The following CASZ1 variants were observed in gnomAD, a reference collection of about 807,000 sequenced individuals.
The protein encoded by CASZ1 is castor zinc finger 1.
Under a neutral mutation model 135.2 loss-of-function variants are expected in CASZ1, and 28 were observed. That is an observed-to-expected ratio of 0.21 (90% CI 0.15 to 0.28). The LOEUF (loss-of-function observed/expected upper bound fraction) is 0.28. Ranked by LOEUF, CASZ1 falls within the 10% of genes least tolerant of loss-of-function variation. The probability of loss-of-function intolerance (pLI) is 1.00; values close to 1 mark genes in which losing one functional copy is unlikely to be tolerated. For synonymous variants in CASZ1, 1,068 were observed against 1,073.4 expected (o/e 0.99, Z 0.10); for missense variants, 2,161 against 2,453.3 (o/e 0.88, Z 2.52).
chr1:10,766,089 A>T (rs186083037), intron 1 of CASZ1, among the ~76,000 whole-genome samples: 2 of 152,260 alleles, frequency 1.3e-5, no homozygotes, highest in East Asian at 3.9e-4. Context: ...GACATGCTCC[A>T]CCCAGAACAG....
At chr1:10,714,098 C>T (rs1639334017) in intron 2 of CASZ1, among the ~76,000 whole-genome samples, 3 of 152,044 alleles carry the variant, frequency 2.0e-5, no homozygotes, top group Admixed American at 1.3e-4. Context: ...CCTGAGGTCA[C>T]GAGTTCGAGA....
chr1:10,638,376 G>A lies in CASZ1; in HGVS notation c.*566C>T, dbSNP rs754383243. On this transcript the variant is annotated 3_prime_UTR_variant, in exon 21 of 21. Transcript: ENST00000377022. The surrounding 1 kb of genome is among the most constrained non-coding windows in gnomAD (Gnocchi z 5.9). ...GCCTGGGGGAGCAGCCGGGCCCTGG[G>A]GTGGGGCTGAGCTGGAGCTCCGCGG... The A allele has an allele frequency of 2.6e-5, 4 of 152,198 alleles. No individual in the cohort carries two copies. The highest frequency in any genetic ancestry group is 4.4e-5 in the Non-Finnish European group (3 of 68,084). 9.4% of individuals were successfully genotyped at this position (152,198 alleles called of 1,614,324 possible). A position where few individuals can be genotyped will look rare whatever the true frequency, so the allele number is the denominator to read the frequency against.
At chr1:10,673,047 C>T (rs1297167293) in intron 4 of CASZ1, among the ~76,000 whole-genome samples, 1 of 149,250 alleles carries the variant, frequency 6.7e-6, no homozygotes, top group Admixed American at 6.7e-5. Context: ...GGTGCAGTGG[C>T]GAGTGGAGAA....
chr1:10,637,848 C>G lies in CASZ1; in HGVS notation c.*1094G>C, dbSNP rs1642043003. 6.6e-6 allele frequency: 1 copy of G among 151,106 alleles called. No homozygotes were observed. Among genetic ancestry groups the G allele is most frequent in the African/African-American group, 2.4e-5 (1 of 41,104 alleles). 9.4% of individuals were successfully genotyped at this position (151,106 alleles called of 1,614,324 possible). The stretch of plus-strand genomic sequence containing the variant: ...AAAAAAAAAAAGCCCTATAAAGCCA[C>G]ACGCATCACCAAGAGAGAACTCAAA... On this transcript the variant is annotated 3_prime_UTR_variant, in exon 21 of 21. Transcript: ENST00000377022.
At chr1:10,641,678 C>T (rs571188725) in intron 20 of CASZ1, among the ~76,000 whole-genome samples, 3 of 152,342 alleles carry the variant, frequency 2.0e-5, no homozygotes, top group South Asian at 4.1e-4. Context: ...CCCAGGGGGA[C>T]TCCTCAGAGT....
At chr1:10,740,067 CT>C (rs1022503473) in intron 2 of CASZ1, among the ~76,000 whole-genome samples, 1 of 152,228 alleles carries the variant, frequency 6.6e-6, no homozygotes, top group Non-Finnish European at 1.5e-5. Flanking sequence ...AGCTGCCCCC[CT>C]GGCCAGCACC....
rs540151997 is a variant in CASZ1, at chr1:10,701,502, C to T, written c.-24+3990G>A. On this transcript the variant is annotated intron_variant, in intron 3 of 20. Coordinates refer to ENST00000377022, the MANE Select transcript of CASZ1 (RefSeq NM_001079843.3). The surrounding 1 kb of genome is among the most constrained non-coding windows in gnomAD (Gnocchi z 6.3). ...GGTCCAGCCCCCTCTCGCCAAAGCT[C>T]GCCCTTCAGAGTGATGGAGTGATGG... Among the ~76,000 whole-genome samples the T allele has an allele frequency of 1.1e-4, 17 of 152,212 alleles. No homozygotes were observed. The highest frequency in any genetic ancestry group is 3.6e-4 in the African/African-American group (15 of 41,526).
rs1489173195 is a variant in CASZ1, at chr1:10,643,180, C to T, written c.4000G>A (p.Asp1334Asn). 19 of 1,611,684 alleles carry T rather than the reference C, an allele frequency of 1.2e-5. No individual in the cohort carries two copies. Among genetic ancestry groups the T allele is most frequent in the Non-Finnish European group, 1.4e-5 (16 of 1,179,934 alleles). Reference sequence around the variant, plus strand: ...CTCACCTGGGAGGGGGGCACGCGGTCGAAGTTCTTCCCCAGCATCCTCCGC... The same window carrying T: ...CTCACCTGGGAGGGGGGCACGCGGTTGAAGTTCTTCCCCAGCATCCTCCGC... Reference protein sequence around the residue: ...HMRRMLGKNFDRVPPSQGPPG... With the variant: ...HMRRMLGKNFNRVPPSQGPPG... Residue 1334 changes from aspartate to asparagine, a missense_variant, in exon 19 of 21, where the codon GAC becomes AAC. Asp to Asn is a conservative substitution (Grantham distance 23). This residue lies in a region of CASZ1 where 349 missense variants were observed against 460.8 expected (regional missense o/e 0.76). Coordinates refer to ENST00000377022, the MANE Select transcript of CASZ1 (RefSeq NM_001079843.3).
At chr1:10,659,622 G>A (rs187202763) in intron 6 of CASZ1, 80 bp downstream of exon 6, 15 of 1,168,886 alleles carry the variant, frequency 1.3e-5, no homozygotes, top group Admixed American at 5.3e-5. Flanking sequence ...CCTCAAGCAC[G>A]GGCAACCCTG....
intron 1 of CASZ1, among the ~76,000 whole-genome samples, chr1:10,783,245 A>ATG (rs1557569542): frequency 5.2e-4 from 39 of 74,868 alleles, no homozygotes; most frequent in African/African-American, 1.7e-3. Flanking sequence ...GCCAGTGGAG[A>ATG]AGTGTGTGTG....
intron 5 of CASZ1, among the ~76,000 whole-genome samples, chr1:10,662,234 CACAT>C (rs1643061539): frequency 7.7e-6 from 1 of 130,436 alleles, no homozygotes; most frequent in African/African-American, 3.0e-5. Flanking sequence ...ATAAAACACA[CACAT>C]ACATTGACAC....
At position 10,700,723 on chromosome 1, in the gene CASZ1, G is replaced by A. The variant is rs141220877; in HGVS notation, c.-24+4769C>T. Among the ~76,000 whole-genome samples, 25 of 152,260 alleles carry A rather than the reference G, an allele frequency of 1.6e-4. No homozygotes were observed. Among genetic ancestry groups the A allele is most frequent in the Non-Finnish European group, 2.5e-4 (17 of 68,024 alleles). On this transcript the variant is annotated intron_variant, in intron 3 of 20. Transcript: ENST00000377022. This position sits in a 1 kb window ranked among gnomAD's most constrained non-coding sequence, Gnocchi z 4.2. ...TTCCCAGCATCTTCAGGAAATCATC[G>A]TTAGTGGAACCCTAGGTCTGCTGAT...
At chr1:10,738,296 G>A (rs2100524626) in intron 2 of CASZ1, among the ~76,000 whole-genome samples, 1 of 152,336 alleles carries the variant, frequency 6.6e-6, no homozygotes, top group East Asian at 1.9e-4. Context: ...GGGGAGCCCA[G>A]AATGTCTCAG....
At chr1:10,793,326 A>G (rs1031765131) in intron 1 of CASZ1, among the ~76,000 whole-genome samples, 3 of 152,316 alleles carry the variant, frequency 2.0e-5, no homozygotes, top group Admixed American at 6.5e-5. Context: ...TCTTCTAGCC[A>G]TAATAAGCTG....
Position 10,759,713 on chromosome 1 carries a change from G to A in CASZ1, c.-77+988C>T, listed in dbSNP as rs1640327262. 6.6e-6 allele frequency among the ~76,000 whole-genome samples: 1 copy of A among 152,158 alleles called. No individual in the cohort carries two copies. The highest frequency in any genetic ancestry group is 2.1e-4 in the South Asian group (1 of 4,828). On this transcript the variant is annotated intron_variant, in intron 2 of 20. Coordinates refer to ENST00000377022, the MANE Select transcript of CASZ1 (RefSeq NM_001079843.3). The surrounding 1 kb of genome is among the most constrained non-coding windows in gnomAD (Gnocchi z 4.2). ...GCTGCTGAGCCCAGCCCCAGAGGGA[G>A]GGGCAGGACACACCTGCCCAGAGTG...
In CASZ1 at chr1:10,792,305, A is replaced by G. The variant is rs188524784; in HGVS notation, c.-234+4259T>C. 4.1e-3 allele frequency among the ~76,000 whole-genome samples: 441 copies of G among 108,628 alleles called. 34 individuals are homozygous for G. Among genetic ancestry groups the G allele is most frequent in the Middle Eastern group, 0.014 (2 of 144 alleles). The allele number at this position is 108,628 out of a possible 152,430, so 71.3% of individuals were successfully genotyped here. A position where few individuals can be genotyped will look rare whatever the true frequency, so the allele number is the denominator to read the frequency against. On this transcript the variant is annotated intron_variant, in intron 1 of 20. Transcript: ENST00000377022. Reference sequence around the variant, plus strand: ...TATTTATGAAAGCCAAATGCTCTGTACATGGCTTACCCCTCCCCCCCGCCC... The same window carrying G: ...TATTTATGAAAGCCAAATGCTCTGTGCATGGCTTACCCCTCCCCCCCGCCC...
chr1:10,792,314 A>ACCCCTCCCCCT (rs1424152567), intron 1 of CASZ1, among the ~76,000 whole-genome samples: 1 of 18,764 alleles, frequency 5.3e-5, no homozygotes, highest in African/African-American at 2.0e-4. Flanking sequence ...TACATGGCTT[A>ACCCCTCCCCCT]CCCCTCCCCC....
chr1:10,659,436 CGCA>C (rs1193754169), intron 6 of CASZ1, among the ~76,000 whole-genome samples: 1 of 152,092 alleles, frequency 6.6e-6, no homozygotes, highest in African/African-American at 2.4e-5. Flanking sequence ...GAGGTGCACG[CGCA>C]GGTCCAGGAG....
At chr1:10,736,007 G>A (rs569567511) in intron 2 of CASZ1, among the ~76,000 whole-genome samples, 74 of 152,298 alleles carry the variant, frequency 4.9e-4, no homozygotes, top group Non-Finnish European at 8.1e-4. Context: ...GAGCATTAAA[G>A]GCAGAGGAAA....
Sources: allele counts gnomAD v4.1 joint callset (sites outside exome capture counted in the v4.1 genomes callset), GRCh38; gene constraint gnomAD v4.1.1; regional missense constraint gnomAD v4.1.1; non-coding constraint Gnocchi (gnomAD v3.1); transcripts MANE v1.5; gene names NCBI Gene and HGNC (gene_info 2026-07-23, HGNC 2026-07-21).